The following FBXO34 variants were observed in gnomAD, a reference collection of about 807,000 sequenced individuals.
FBXO34 encodes the protein F-box only protein 34.
In FBXO34, 12 loss-of-function variants were observed where a neutral mutation model predicts 24.5. The observed-to-expected ratio is 0.49, with a 90% CI of 0.31 to 0.79. The LOEUF is 0.79. FBXO34 is among the 30% of genes least tolerant of loss of function. The pLI is 0.04. For missense variants in FBXO34, 823 were observed against 857.7 expected, an observed-to-expected ratio of 0.96 and a Z score of 0.51; for synonymous variants, 320 against 311.9, an observed-to-expected ratio of 1.03 and a Z score of -0.27.
intron 1 of FBXO34, among the ~76,000 whole-genome samples, chr14:55,314,166 C>G (rs996553283): frequency 2.0e-5 from 3 of 152,030 alleles, no homozygotes; most frequent in Admixed American, 6.5e-5. Flanking sequence ...CCAGTTAGGC[C>G]TCCCAAAGTG....
the FBXO34 span, among the ~76,000 whole-genome samples, chr14:55,440,872 T>G: frequency 3.9e-5 from 6 of 152,248 alleles, no homozygotes; most frequent in Non-Finnish European, 8.8e-5. Context: ...TTTTTTGTTG[T>G]TGTTGTTGAG....
At chr14:55,340,104 G>A (rs1225466440) in intron 1 of FBXO34, among the ~76,000 whole-genome samples, 1 of 152,216 alleles carries the variant, frequency 6.6e-6, no homozygotes, top group Non-Finnish European at 1.5e-5. Context: ...TGCTCAGGCT[G>A]GACTCAAACA....
exon 3 of FBXO34, chr14:55,367,254 C>G (rs1282063334): frequency 2.0e-5 from 3 of 152,220 alleles, no homozygotes; most frequent in African/African-American, 7.2e-5. Context: ...CCCACTCTTA[C>G]AACTCGTGAG....
In FBXO34 at chr14:55,351,280, G is replaced by A. The variant is rs150370798; in HGVS notation, c.890G>A (p.Arg297His). 747 of 1,614,060 alleles carry A rather than the reference G, an allele frequency of 4.6e-4. 2 individuals are homozygous for A. Among genetic ancestry groups the A allele is most frequent in the Non-Finnish European group, 5.5e-4 (651 of 1,180,054 alleles). ...ESECLKRQGQ[R>H]EPGSLSRNNS... ...GAGTGCCTGAAGCGGCAGGGCCAGC[G>A]TGAGCCTGGGAGCCTCTCAAGGAAT... Residue 297 changes from arginine to histidine, a missense_variant, in exon 2 of 2, where the codon CGT (arginine) becomes CAT (histidine). By Grantham distance (29) the Arg-to-His change is conservative. Around this residue, in one of 2 missense-constraint regions of FBXO34, gnomAD observed 693 missense variants for 659.1 expected, o/e 1.05. Transcript: ENST00000313833.
intron 1 of FBXO34, among the ~76,000 whole-genome samples, chr14:55,275,749 G>A (rs939688135): frequency 6.7e-6 from 1 of 149,450 alleles, no homozygotes; most frequent in African/African-American, 2.5e-5. Flanking sequence ...GTGTGAACCC[G>A]GAAGGCAGAG....
At chr14:55,306,546 C>G (rs1042496692) in intron 1 of FBXO34, among the ~76,000 whole-genome samples, 19 of 152,148 alleles carry the variant, frequency 1.2e-4, no homozygotes, top group Non-Finnish European at 2.1e-4. Flanking sequence ...TGTTTAAAAA[C>G]AGGCTGGCTG....
chr14:55,382,019 C>T, the FBXO34 span: 1 of 1,614,174 alleles, frequency 6.2e-7, no homozygotes, highest in Non-Finnish European at 8.5e-7. Context: ...GAGTAGTCCC[C>T]ATTGTTAGGG....
the FBXO34 span, among the ~76,000 whole-genome samples, chr14:55,410,588 AC>A: frequency 6.6e-6 from 1 of 152,182 alleles, no homozygotes; most frequent in African/African-American, 2.4e-5. Flanking sequence ...AATACTAAGA[AC>A]TCAAAACATT....
At chr14:55,298,205 GT>G (rs143045616) in intron 1 of FBXO34, among the ~76,000 whole-genome samples, 7 of 146,216 alleles carry the variant, frequency 4.8e-5, no homozygotes, top group East Asian at 4.0e-4. Flanking sequence ...AACACTGTGA[GT>G]TTTTTTTTTT....
the FBXO34 span, among the ~76,000 whole-genome samples, chr14:55,428,119 CTTTTTTTTTTT>C: frequency 5.8e-4 from 25 of 43,360 alleles, 1 homozygote; most frequent in South Asian, 4.3e-3. Context: ...CATGCCTTAT[CTTTTTTTTTTT>C]TTTTTTTTTT....
At chr14:55,295,410 T>G (rs1882087280) in intron 1 of FBXO34, among the ~76,000 whole-genome samples, 8 of 98,668 alleles carry the variant, frequency 8.1e-5, no homozygotes, top group Admixed American at 7.5e-4. Flanking sequence ...TTTTTTTTTT[T>G]GGAGACAGAG....
chr14:55,316,829 C>G (rs928943649), intron 1 of FBXO34, among the ~76,000 whole-genome samples: 1 of 152,012 alleles, frequency 6.6e-6, no homozygotes, highest in African/African-American at 2.4e-5. Context: ...CCAAGTCACA[C>G]GCCTATAAAG....
chr14:55,312,453 C>T (rs1209796063), intron 1 of FBXO34, among the ~76,000 whole-genome samples: 1 of 152,168 alleles, frequency 6.6e-6, no homozygotes, highest in Non-Finnish European at 1.5e-5. Context: ...CCTCTTCTCA[C>T]AGCTCAACTA....
chr14:55,414,152 T>C, the FBXO34 span: 1 of 508,722 alleles, frequency 2.0e-6, no homozygotes, highest in Non-Finnish European at 3.5e-6. Flanking sequence ...AGACCCTAAA[T>C]CTCTCAAATT....
At chr14:55,426,715 A>C in the FBXO34 span, among the ~76,000 whole-genome samples, 2 of 149,864 alleles carry the variant, frequency 1.3e-5, no homozygotes, top group Non-Finnish European at 3.0e-5. Context: ...GGCCAGATTA[A>C]AAAAAAAAAA....
downstream of FBXO34, among the ~76,000 whole-genome samples, chr14:55,374,144 A>AT (rs1884875960): frequency 6.6e-6 from 1 of 152,112 alleles, no homozygotes; most frequent in Non-Finnish European, 1.5e-5. Context: ...GAGCCTTCCT[A>AT]TTTTTGTCAA....
chr14:55,297,459 T>C (rs1434761567), intron 1 of FBXO34, among the ~76,000 whole-genome samples: 1 of 152,160 alleles, frequency 6.6e-6, no homozygotes, highest in African/African-American at 2.4e-5. Context: ...ACCCACTTAT[T>C]AGGGTTGTTA....
chr14:55,329,136 A>G lies in FBXO34; in HGVS notation c.-10-21245A>G, dbSNP rs1883449109. Among the ~76,000 whole-genome samples the G allele has an allele frequency of 1.3e-5, 2 of 151,822 alleles. 1 individual carries two copies. The highest frequency in any genetic ancestry group is 1.3e-4 in the Admixed American group (2 of 15,218). On this transcript the variant is annotated intron_variant, in intron 1 of 1. Coordinates refer to ENST00000313833, the MANE Select transcript of FBXO34 (RefSeq NM_017943.4). Reference sequence around the variant, plus strand: ...AGGGAGATTTGTGAAAAATGTCTTTAAAACGTGGTTTATTTCTAAAATTCA... The same window carrying G: ...AGGGAGATTTGTGAAAAATGTCTTTGAAACGTGGTTTATTTCTAAAATTCA...
At chr14:55,413,942 C>A in the FBXO34 span, 1 of 495,374 alleles carries the variant, frequency 2.0e-6, no homozygotes, top group Non-Finnish European at 4.0e-6. Context: ...TTGATGTCTA[C>A]AATATCACCT....
Sources: gnomAD v4.1 joint callset for allele counts (sites outside exome capture counted in the v4.1 genomes callset) on GRCh38, gnomAD v4.1.1 for gene constraint, gnomAD v4.1.1 regional missense constraint, MANE v1.5 for transcripts, NCBI Gene and HGNC (gene_info 2026-07-23, HGNC 2026-07-21) for gene names.